The following NYAP2 variants were observed in gnomAD, a reference collection of about 807,000 sequenced individuals.
NYAP2 encodes the protein neuronal tyrosine-phosphorylated phosphoinositide-3-kinase adaptor 2.
A neutral mutation model predicts 50.4 loss-of-function variants in NYAP2; 23 were observed. The ratio of observed to expected loss-of-function variants is 0.46; its 90% CI spans 0.33 to 0.65. The LOEUF (loss-of-function observed/expected upper bound fraction) is 0.65. NYAP2 is among the 30% of genes least tolerant of loss of function. The pLI is 0.02. For synonymous variants in NYAP2, 394 were observed against 365.2 expected, an observed-to-expected ratio of 1.08 and a Z score of -0.90; for missense variants, 885 against 861.0, an observed-to-expected ratio of 1.03 and a Z score of -0.35.
At chr2:225,399,760 A>G (rs1469505834) in exon 1 of NYAP2, 6 of 152,056 alleles carry the variant, frequency 3.9e-5, no homozygotes, top group Non-Finnish European at 2.9e-5. Context: ...GGCAAAATTG[A>G]TATCAAATAA....
intron 5 of NYAP2, among the ~76,000 whole-genome samples, chr2:225,596,656 A>G (rs1342172134): frequency 6.6e-6 from 1 of 152,208 alleles, no homozygotes; most frequent in East Asian, 1.9e-4. Flanking sequence ...TGCCATGATT[A>G]ACCAATATTG....
At chr2:225,507,469 G>A (rs936068) in intron 3 of NYAP2, among the ~76,000 whole-genome samples, 44,837 of 152,140 alleles carry the variant, frequency 0.29, 6,838 homozygotes, top group South Asian at 0.48. Context: ...CAGTTTTGAA[G>A]TGCTTGTTTT....
At chr2:225,414,731 G>A (rs80240620) in intron 3 of NYAP2, among the ~76,000 whole-genome samples, 1 of 151,942 alleles carries the variant, frequency 6.6e-6, no homozygotes, top group African/African-American at 2.4e-5. Context: ...ATCAAGTGAC[G>A]ATATTCACTG....
chr2:225,667,295 A>T, the NYAP2 span, among the ~76,000 whole-genome samples: 2 of 152,110 alleles, frequency 1.3e-5, no homozygotes, highest in Non-Finnish European at 2.9e-5. Context: ...ATATATAAAT[A>T]TAAATATCAT....
intron 4 of NYAP2, among the ~76,000 whole-genome samples, chr2:225,566,070 T>C (rs1691955269): frequency 6.6e-6 from 1 of 152,202 alleles, no homozygotes; most frequent in South Asian, 2.1e-4. Context: ...TTTTAATGTC[T>C]GTAAAACAGA....
rs1046869432 is a variant in NYAP2, at chr2:225,412,200, G to A, written c.221+3099G>A. Among the ~76,000 whole-genome samples, 63 of 134,154 alleles carry A rather than the reference G, an allele frequency of 4.7e-4. 1 individual carries two copies. Among genetic ancestry groups the A allele is most frequent in the African/African-American group, 1.6e-3 (58 of 37,030 alleles). 88.0% of individuals were successfully genotyped at this position (134,154 alleles called of 152,430 possible). ...TCTCTATCTCTTGACCTCATGATCC[G>A]CCTGCCTCAGCCTCCCAAAGTGCTG... On this transcript the variant is annotated intron_variant, in intron 3 of 6. Transcript: ENST00000636099.
At chr2:225,449,539 A>G (rs1278115417) in intron 3 of NYAP2, among the ~76,000 whole-genome samples, 1 of 150,580 alleles carries the variant, frequency 6.6e-6, no homozygotes, top group Admixed American at 6.6e-5. Flanking sequence ...TACATTTTTC[A>G]TTTTAAAATA....
the NYAP2 span, among the ~76,000 whole-genome samples, chr2:225,672,355 C>T: frequency 6.6e-6 from 1 of 152,118 alleles, no homozygotes; most frequent in Non-Finnish European, 1.5e-5. Context: ...CTGCTGGCTG[C>T]AAACTTTTCT....
intron 5 of NYAP2, among the ~76,000 whole-genome samples, chr2:225,623,236 G>A (rs1371772774): frequency 1.3e-5 from 2 of 152,232 alleles, no homozygotes; most frequent in Non-Finnish European, 2.9e-5. Flanking sequence ...CTCAGAGGCA[G>A]GCAGAGGAGT....
the NYAP2 span, among the ~76,000 whole-genome samples, chr2:225,692,259 T>C: frequency 2.6e-5 from 4 of 152,150 alleles, no homozygotes; most frequent in African/African-American, 9.6e-5. Flanking sequence ...AAGTGCTTAT[T>C]TCAGAGTATT....
At chr2:225,578,090 G>A (rs890573633) in intron 4 of NYAP2, among the ~76,000 whole-genome samples, 3 of 151,762 alleles carry the variant, frequency 2.0e-5, no homozygotes, top group Admixed American at 6.6e-5. Context: ...GCATCACCAC[G>A]CCTGGCTAAT....
At chr2:225,471,633 GTT>G (rs1176913228) in intron 3 of NYAP2, among the ~76,000 whole-genome samples, 1 of 152,212 alleles carries the variant, frequency 6.6e-6, no homozygotes, top group East Asian at 1.9e-4. Context: ...TTTGTAGTGT[GTT>G]TTACTAAGTC....
intron 5 of NYAP2, among the ~76,000 whole-genome samples, chr2:225,597,373 C>G (rs953357631): frequency 6.6e-6 from 1 of 150,918 alleles, no homozygotes; most frequent in Non-Finnish European, 1.5e-5. Flanking sequence ...TTAGCTCCCA[C>G]TTATAAGTGA....
At chr2:225,513,778 C>G in intron 4 of NYAP2, 106 bp downstream of exon 4, 2 of 796,564 alleles carry the variant, frequency 2.5e-6, no homozygotes, top group Non-Finnish European at 1.8e-6. Context: ...CATAATCCTG[C>G]CTCTCACCCT....
At chr2:225,452,516 C>T (rs572066040) in intron 3 of NYAP2, among the ~76,000 whole-genome samples, 102 of 152,256 alleles carry the variant, frequency 6.7e-4, no homozygotes, top group African/African-American at 2.3e-3. Flanking sequence ...GATAAAAATC[C>T]TTCCTCTGTA....
chr2:225,455,653 T>G (rs1444708029), intron 3 of NYAP2, among the ~76,000 whole-genome samples: 1 of 152,230 alleles, frequency 6.6e-6, no homozygotes. Flanking sequence ...CTTTTGTTAT[T>G]TTTATACTTT....
intron 3 of NYAP2, among the ~76,000 whole-genome samples, chr2:225,420,056 A>G (rs1241429618): frequency 6.6e-6 from 1 of 152,228 alleles, no homozygotes; most frequent in Non-Finnish European, 1.5e-5. Flanking sequence ...TAATTATTAA[A>G]CTGGCTTCCA....
At chr2:225,482,805 A>T (rs1690228209) in intron 3 of NYAP2, among the ~76,000 whole-genome samples, 1 of 151,932 alleles carries the variant, frequency 6.6e-6, no homozygotes, top group African/African-American at 2.4e-5. Flanking sequence ...CCCCAAACAA[A>T]CTCCTTGGGT....
At chr2:225,498,322 G>T (rs902968856) in intron 3 of NYAP2, among the ~76,000 whole-genome samples, 5 of 152,116 alleles carry the variant, frequency 3.3e-5, no homozygotes, top group Non-Finnish European at 7.3e-5. Flanking sequence ...GAAAGAAGTG[G>T]CATTGGTTTA....
Sources: gnomAD v4.1 joint callset for allele counts (sites outside exome capture counted in the v4.1 genomes callset) on GRCh38, gnomAD v4.1.1 for gene constraint, MANE v1.5 for transcripts, NCBI Gene and HGNC (gene_info 2026-07-23, HGNC 2026-07-21) for gene names.